DLC1: variants seen among roughly 807,000 people sequenced by gnomAD.
DLC1 encodes the protein rho GTPase-activating protein 7.
In DLC1, 54 loss-of-function variants were observed where a neutral mutation model predicts 140.3. That is an observed-to-expected ratio of 0.38 (90% CI 0.31 to 0.48). The LOEUF is 0.48. Ranked by LOEUF, DLC1 falls within the 20% of genes least tolerant of loss-of-function variation. DLC1 has a pLI of 0.96. For synonymous variants in DLC1, 986 were observed against 728.1 expected (o/e 1.35, Z -5.70); for missense variants, 2,536 against 1,907.0 (o/e 1.33, Z -6.14).
At chr8:13,359,580 A>G (rs1835125702) in intron 4 of DLC1, among the ~76,000 whole-genome samples, 1 of 152,172 alleles carries the variant, frequency 6.6e-6, no homozygotes, top group Admixed American at 6.5e-5. Flanking sequence ...AGGAAACTCC[A>G]CAAATCCAGT....
chr8:13,162,400 G>A (rs1824772773), intron 5 of DLC1, among the ~76,000 whole-genome samples: 1 of 152,130 alleles, frequency 6.6e-6, no homozygotes, highest in South Asian at 2.1e-4. Flanking sequence ...TCAACTCACT[G>A]CGTCCTCCGC....
chr8:13,305,339 G>C, intron 4 of DLC1, 37 bp from the exon 5 acceptor site: 3 of 1,551,180 alleles, frequency 1.9e-6, no homozygotes, highest in Non-Finnish European at 2.6e-6. Context: ...GTATTATTAG[G>C]AAGAAACATC....
chr8:13,120,356 A>AAAAAAAAACATATATATATAT, intron 5 of DLC1, among the ~76,000 whole-genome samples: 1 of 61,124 alleles, frequency 1.6e-5, no homozygotes, highest in Non-Finnish European at 3.8e-5. Flanking sequence ...AAAAAAAAAA[A>AAAAAAAAACATATATATATAT]ATATATATAT....
intron 16 of DLC1, among the ~76,000 whole-genome samples, chr8:13,086,946 G>A (rs556894676): frequency 1.3e-5 from 2 of 152,278 alleles, no homozygotes; most frequent in Non-Finnish European, 1.5e-5. Context: ...GATTGCTTAA[G>A]CTGTAATCAT....
In DLC1 at chr8:13,141,256, C is replaced by CAAAAAAA. The variant is rs34321250; in HGVS notation, c.1349-25606_1349-25600dup. On this transcript the variant is annotated intron_variant, in intron 5 of 17. Coordinates refer to ENST00000276297, the MANE Select transcript of DLC1 (RefSeq NM_182643.3). ...GGTGACACAGTGCAAGAGTCTGTCT[C>CAAAAAAA]AAAAAAAAAAAAAAAAAAAAAAAAA... Among the ~76,000 whole-genome samples, 499 of 63,726 alleles carry CAAAAAAA rather than the reference C, an allele frequency of 7.8e-3. 53 individuals carry two copies. Among genetic ancestry groups the CAAAAAAA allele is most frequent in the African/African-American group, 0.012 (141 of 11,534 alleles). The allele number at this position is 63,726 out of a possible 152,430, so 41.8% of individuals were successfully genotyped here. A position where few individuals can be genotyped will look rare whatever the true frequency, so the allele number is the denominator to read the frequency against.
At chr8:13,319,775 C>T (rs1201576724) in intron 4 of DLC1, among the ~76,000 whole-genome samples, 2 of 146,748 alleles carry the variant, frequency 1.4e-5, no homozygotes, top group Non-Finnish European at 3.0e-5. Flanking sequence ...AATACACCAA[C>T]TTTTTTCAGT....
intron 1 of DLC1, among the ~76,000 whole-genome samples, chr8:13,533,928 C>T (rs899658891): frequency 1.3e-5 from 2 of 152,162 alleles, no homozygotes; most frequent in African/African-American, 4.8e-5. Context: ...CTGTAAGTTT[C>T]CTGAGGCCTC....
intron 1 of DLC1, among the ~76,000 whole-genome samples, chr8:13,581,570 T>C (rs1805100985): frequency 6.6e-6 from 1 of 152,218 alleles, no homozygotes; most frequent in Non-Finnish European, 1.5e-5. Context: ...TTTAAAGGTC[T>C]TTATATCCAC....
intron 5 of DLC1, among the ~76,000 whole-genome samples, chr8:13,257,166 T>C (rs780258451): frequency 8.5e-4 from 130 of 152,146 alleles, no homozygotes; most frequent in Non-Finnish European, 1.6e-3. Context: ...CACAAAATCA[T>C]GTTCTTTACT....
chr8:13,481,628 C>A (rs1335801116), intron 2 of DLC1, among the ~76,000 whole-genome samples: 1 of 152,178 alleles, frequency 6.6e-6, no homozygotes, highest in African/African-American at 2.4e-5. Flanking sequence ...AGAAAATTTA[C>A]AGCCCCGTTG....
At chr8:13,189,067 G>A (rs978884789) in intron 5 of DLC1, among the ~76,000 whole-genome samples, 1 of 151,626 alleles carries the variant, frequency 6.6e-6, no homozygotes, top group African/African-American at 2.4e-5. Flanking sequence ...TTTAGTATGT[G>A]TTAGATTTAG....
intron 1 of DLC1, among the ~76,000 whole-genome samples, chr8:13,525,510 CT>C (rs1802893797): frequency 6.6e-6 from 1 of 152,146 alleles, no homozygotes; most frequent in African/African-American, 2.4e-5. Flanking sequence ...TATGATGAGT[CT>C]TTTTAGTTTT....
At chr8:13,457,176 T>A (rs1799429066) in intron 2 of DLC1, among the ~76,000 whole-genome samples, 1 of 152,158 alleles carries the variant, frequency 6.6e-6, no homozygotes, top group Admixed American at 6.5e-5. Context: ...CCCTATACCG[T>A]GCTCACAATG....
At chr8:13,092,958 G>C (rs1276983659) in intron 12 of DLC1, 133 bp from the exon 13 acceptor site, 4 of 966,334 alleles carry the variant, frequency 4.1e-6, no homozygotes, top group South Asian at 1.6e-5. Flanking sequence ...AAGTGCACTA[G>C]AGGTTAATAC....
At chr8:13,544,933 A>G (rs189410257) in intron 1 of DLC1, among the ~76,000 whole-genome samples, 3 of 152,234 alleles carry the variant, frequency 2.0e-5, no homozygotes, top group Admixed American at 2.0e-4. Flanking sequence ...GTACTCTGCC[A>G]CCTTCAGGGG....
chr8:13,292,740 A>T (rs950481500), intron 5 of DLC1, among the ~76,000 whole-genome samples: 3 of 152,134 alleles, frequency 2.0e-5, no homozygotes, highest in African/African-American at 7.2e-5. Context: ...GAATTCTGAC[A>T]TTTTTTTCTC....
At chr8:13,271,918 C>T (rs923511044) in intron 5 of DLC1, among the ~76,000 whole-genome samples, 2 of 152,204 alleles carry the variant, frequency 1.3e-5, no homozygotes, top group Non-Finnish European at 2.9e-5. Context: ...CTCAAGCAGT[C>T]CTCCTGCTGG....
intron 4 of DLC1, among the ~76,000 whole-genome samples, chr8:13,343,778 C>T (rs753260284): frequency 1.3e-5 from 2 of 152,106 alleles, no homozygotes; most frequent in African/African-American, 2.4e-5. Context: ...AGTTTTAAGG[C>T]CTTTGGTTCA....
At chr8:13,585,219 C>A (rs1307153643) in intron 1 of DLC1, among the ~76,000 whole-genome samples, 2 of 152,142 alleles carry the variant, frequency 1.3e-5, no homozygotes, top group East Asian at 3.9e-4. Flanking sequence ...TTATTCAAGA[C>A]AAGGTGACCC....
Sources: allele counts gnomAD v4.1 joint callset (sites outside exome capture counted in the v4.1 genomes callset), GRCh38; gene constraint gnomAD v4.1.1; transcripts MANE v1.5; gene names NCBI Gene and HGNC (gene_info 2026-07-23, HGNC 2026-07-21).